DPP7: variants seen among roughly 807,000 people sequenced by gnomAD.
The protein encoded by DPP7 is dipeptidyl peptidase 7, also known as dipeptidyl peptidase 2.
Under a neutral mutation model 58.8 loss-of-function variants are expected in DPP7, and 74 were observed. That is an observed-to-expected ratio of 1.26 (90% CI 1.04 to 1.53). DPP7 has a LOEUF of 1.53. Ranked by LOEUF, DPP7 falls within the 40% of genes most tolerant of loss-of-function variation. DPP7 has a pLI of 0.00. For missense variants in DPP7, 807 were observed against 692.3 expected, an observed-to-expected ratio of 1.17 and a Z score of -1.86; for synonymous variants, 350 against 303.6, an observed-to-expected ratio of 1.15 and a Z score of -1.59.
chr9:137,112,241 G>A lies in DPP7; in HGVS notation c.932-11C>T, dbSNP rs1489112424. ...CGTTGTAGACCAGCCCTGGGGAGGA[G>A]AGGCGCTGGGGCCCAGCGGCCACAC... On this transcript the variant is annotated splice_polypyrimidine_tract_variant and intron_variant, in intron 8 of 12. Transcript: ENST00000371579. The A allele has an allele frequency of 6.3e-7, 1 of 1,592,680 alleles. No individual in the cohort carries two copies. The highest frequency in any genetic ancestry group is 2.2e-5 in the East Asian group (1 of 44,652).
chr9:137,117,416 C>T (rs531339934), upstream of DPP7, among the ~76,000 whole-genome samples: 20 of 152,336 alleles, frequency 1.3e-4, no homozygotes, highest in South Asian at 4.1e-4. Flanking sequence ...GCAGCACAGA[C>T]GGGCAGGTTG....
At chr9:137,117,689 G>A (rs1412584296), upstream of DPP7, among the ~76,000 whole-genome samples, 1 of 152,174 alleles carries the variant, frequency 6.6e-6, no homozygotes, top group Non-Finnish European at 1.5e-5. Flanking sequence ...ATCGGCGGGC[G>A]GCTGGCCGTG....
chr9:137,116,164 T>C (rs1408253874), upstream of DPP7, among the ~76,000 whole-genome samples: 7 of 148,814 alleles, frequency 4.7e-5, no homozygotes, highest in African/African-American at 7.5e-5. Flanking sequence ...AGGAAGCCAC[T>C]TTCCCTCTTG....
rs770245778 is a variant in DPP7, at chr9:137,110,920, C to T, written c.1303G>A (p.Ala435Thr). Reference protein sequence around the residue: ...IRRNLSASVIAVTIQGGAHHL... With the variant: ...IRRNLSASVITVTIQGGAHHL... ...TGCGCTCCCCCCTGGATGGTGACGG[C>T]GATGACTGAGGCACTCAGGTTCCTC... The change falls in exon 12 of 13, where the codon GCC becomes ACC. Residue 435 changes from alanine to threonine, a missense_variant. Around this residue, in one of 3 missense-constraint regions of DPP7, gnomAD observed 624 missense variants for 531.2 expected, o/e 1.17. Transcript: ENST00000371579. 3.2e-5 allele frequency: 51 copies of T among 1,612,938 alleles called. No homozygotes were observed. The East Asian group carries it at 9.8e-4, about 31-fold the overall frequency.
rs768581447 is a variant in DPP7 at position 137,113,351 on chromosome 9, CCTCA to C, written c.621+6_621+9del. ...CTTAGGGGGCCTGGAGGACCCCAAG[CCTCA>C]CTCACCGCCGTGACGTCCCGGAAGA... On this transcript the variant is annotated splice_donor_region_variant and intron_variant, in intron 5 of 12. Coordinates refer to ENST00000371579, the MANE Select transcript of DPP7 (RefSeq NM_013379.3). 7.4e-6 allele frequency: 12 copies of C among 1,612,104 alleles called. No homozygotes were observed. The highest frequency in any genetic ancestry group is 1.6e-4 in the Middle Eastern group (1 of 6,084).
chr9:137,110,745 G>A lies in DPP7; in HGVS notation c.1382C>T (p.Ala461Val), dbSNP rs201321992. Reference sequence around the variant, plus strand: ...GATGATGGTGGCCTCCAGCTTCCGCGCCTCAACCACGGAAGCAGGATCTTC... The same window carrying A: ...GATGATGGTGGCCTCCAGCTTCCGCACCTCAACCACGGAAGCAGGATCTTC... ...HPEDPASVVE[A>V]RKLEATIIGE... is the part of the protein sequence containing the mutation. The change falls in exon 13 of 13, where the codon GCG becomes GTG. Residue 461 changes from alanine to valine, a missense_variant. Around this residue, in one of 3 missense-constraint regions of DPP7, gnomAD observed 624 missense variants for 531.2 expected, o/e 1.17. Transcript: ENST00000371579. 2.5e-4 allele frequency: 405 copies of A among 1,606,544 alleles called. 1 individual carries two copies. Among genetic ancestry groups the A allele is most frequent in the Non-Finnish European group, 2.8e-4 (335 of 1,179,864 alleles).
intron 4 of DPP7, 145 bp from the exon 5 acceptor site, chr9:137,113,641 T>C: frequency 7.0e-7 from 1 of 1,428,568 alleles, no homozygotes; most frequent in Non-Finnish European, 9.1e-7. Flanking sequence ...GGTGCAGCTC[T>C]CACTGGGAAA....
rs1467920712 is a variant in DPP7 at position 137,113,016 on chromosome 9, C to T, written c.807G>A (p.Leu269=). 1.2e-6 allele frequency: 2 copies of T among 1,613,782 alleles called. No homozygotes were observed. Among genetic ancestry groups the T allele is most frequent in the Non-Finnish European group, 8.5e-7 (1 of 1,180,016 alleles). The change falls in exon 7 of 13, where the codon CTG becomes CTA. Residue 269 remains leucine (L), a synonymous_variant. Transcript: ENST00000371579. ...TGGGGTAGGGGTAGTCCATCATGGC[C>T]AGCACGGTGAAGGCATTCCGGGCGA... ...FMFARNAFTV[L]AMMDYPYPTD...
Position 137,114,494 on chromosome 9 carries a change from G to A in DPP7, c.150C>T (p.Asn50=). ...CCAGGAAGCGCTGAGGGAAGGTCTT[G>A]TTGCCGAAGCGCTCGAAGTTGAAGT... is the stretch of plus-strand genomic sequence containing the variant. ...LDHFNFERFG[N]KTFPQRFLVS... Residue 50 remains asparagine, a synonymous_variant, in exon 2 of 13, where the codon AAC becomes AAT. Transcript: ENST00000371579. The A allele has an allele frequency of 6.3e-7, 1 of 1,582,524 alleles. No homozygotes were observed. Among genetic ancestry groups the A allele is most frequent in the South Asian group, 1.1e-5 (1 of 87,422 alleles).
At position 137,114,569 on chromosome 9, in the gene DPP7, C is replaced by T. The variant is rs777661168; in HGVS notation, c.75G>A (p.Arg25=). 6.5e-5 allele frequency: 101 copies of T among 1,545,700 alleles called. No individual in the cohort carries two copies. Among genetic ancestry groups the T allele is most frequent in the Middle Eastern group, 2.2e-4 (1 of 4,604 alleles). Residue 25 remains arginine, a synonymous_variant, in exon 2 of 13, where the codon AGG becomes AGA. Coordinates refer to ENST00000371579, the MANE Select transcript of DPP7 (RefSeq NM_013379.3). ...GLRGLQAGAR[R]APDPGFQERF... is the part of the protein sequence containing the mutation. ...GCTCCTGGAAGCCGGGGTCCGGGGCCCTGCGGGCTGTGGGGGGACGCGAAC... is the reference window on the plus strand; with the variant it reads ...GCTCCTGGAAGCCGGGGTCCGGGGCTCTGCGGGCTGTGGGGGGACGCGAAC...
rs563032588 is a variant in DPP7 at position 137,112,286 on chromosome 9, C to T, written c.932-56G>A. 5.4e-5 allele frequency: 76 copies of T among 1,414,168 alleles called. 1 individual carries two copies. The highest frequency in any genetic ancestry group is 4.8e-4 in the African/African-American group (34 of 70,974). The allele number at this position is 1,414,168 out of a possible 1,614,324, so 87.6% of individuals were successfully genotyped here. On this transcript the variant is annotated intron_variant, in intron 8 of 12. Transcript: ENST00000371579. ...CCACACACAGACACACCGCGGGCTC[C>T]GGCCACCAACCTGTCCCCCCTCGGA...
At chr9:137,113,655 C>A in intron 4 of DPP7, 159 bp from the exon 5 acceptor site, 1 of 1,426,804 alleles carries the variant, frequency 7.0e-7, no homozygotes, top group South Asian at 1.5e-5. Flanking sequence ...TGGGAAAGGC[C>A]GCTAGTGTGG....
chr9:137,111,761 G>T lies in DPP7; in HGVS notation c.1208-7C>A, dbSNP rs769591813. ...TTGCTGGCGGCTCTGAGATCTGCAA[G>T]GGGCAGAGAAAGTTGTGATGTGGGC... On this transcript the variant is annotated splice_region_variant and splice_polypyrimidine_tract_variant and intron_variant, in intron 10 of 12. Coordinates refer to ENST00000371579, the MANE Select transcript of DPP7 (RefSeq NM_013379.3). The T allele has an allele frequency of 5.0e-6, 8 of 1,613,730 alleles. No individual in the cohort carries two copies. Among genetic ancestry groups the T allele is most frequent in the Non-Finnish European group, 6.8e-6 (8 of 1,179,998 alleles).
upstream of DPP7, chr9:137,115,022 C>T: frequency 3.9e-6 from 1 of 257,576 alleles, no homozygotes; most frequent in Non-Finnish European, 7.3e-6. Context: ...GCTGCGCCCG[C>T]CAAGCCTCCC....
At chr9:137,117,138 T>C (rs534190005), upstream of DPP7, among the ~76,000 whole-genome samples, 1 of 152,228 alleles carries the variant, frequency 6.6e-6, no homozygotes, top group Non-Finnish European at 1.5e-5. Context: ...GCCTTCTCTA[T>C]ACTTTGTCTC....
intron 8 of DPP7, 92 bp downstream of exon 8, chr9:137,112,652 GC>G: frequency 7.0e-7 from 1 of 1,438,590 alleles, no homozygotes. Context: ...AAAGCCCCTG[GC>G]CGGGCTGCGG....
upstream of DPP7, among the ~76,000 whole-genome samples, chr9:137,115,634 G>A (rs1355373875): frequency 5.3e-5 from 8 of 152,138 alleles, no homozygotes; most frequent in Non-Finnish European, 1.5e-5. Flanking sequence ...CCTGTGTGGG[G>A]CTGAGCGGAG....
At position 137,114,386 on chromosome 9, in the gene DPP7, TG is replaced by T; in HGVS notation, c.182-5del. 1 of 1,598,568 alleles carries T rather than the reference TG, an allele frequency of 6.3e-7. No homozygotes were observed. Among genetic ancestry groups the T allele is most frequent in the Non-Finnish European group, 8.5e-7 (1 of 1,173,894 alleles). ...TCGCCCCGGACCCAGAACCTGTCTG[TG>T]GGGAGGGCGGATGAGGCGAGGGTGC... On this transcript the variant is annotated splice_region_variant and splice_polypyrimidine_tract_variant and intron_variant, in intron 2 of 12. Coordinates refer to ENST00000371579, the MANE Select transcript of DPP7 (RefSeq NM_013379.3).
chr9:137,113,308 T>A (rs896510974), intron 5 of DPP7, 21 bp from the exon 6 acceptor site: 10 of 1,613,418 alleles, frequency 6.2e-6, no homozygotes, highest in African/African-American at 2.7e-5. Context: ...GAGACCGTGC[T>A]GACTGCAGCT....
Sources: allele counts gnomAD v4.1 joint callset (sites outside exome capture counted in the v4.1 genomes callset), GRCh38; gene constraint gnomAD v4.1.1; regional missense constraint gnomAD v4.1.1; transcripts MANE v1.5; gene names NCBI Gene and HGNC (gene_info 2026-07-23, HGNC 2026-07-21).